AKAP19: variants seen among roughly 807,000 people sequenced by gnomAD.
AKAP19 encodes small A-kinase anchoring protein.
chr2:190,009,390 A>G, the AKAP19 span, among the ~76,000 whole-genome samples: 1 of 152,272 alleles, frequency 6.6e-6, no homozygotes, highest in East Asian at 1.9e-4. Context: ...GAAATGTTGG[A>G]TTCAGGATAT....
At chr2:190,040,121 C>T in the AKAP19 span, among the ~76,000 whole-genome samples, 1 of 152,204 alleles carries the variant, frequency 6.6e-6, no homozygotes, top group Non-Finnish European at 1.5e-5. Context: ...AATGGTTGAA[C>T]TAATTTACAC....
chr2:190,136,561 A>G, the AKAP19 span, among the ~76,000 whole-genome samples: 3 of 152,120 alleles, frequency 2.0e-5, no homozygotes, highest in Admixed American at 6.5e-5. Context: ...AAATTCCCCT[A>G]CACTTCCTTG....
the AKAP19 span, among the ~76,000 whole-genome samples, chr2:190,089,959 C>T: frequency 7.9e-5 from 12 of 152,180 alleles, no homozygotes; most frequent in Non-Finnish European, 1.5e-4. Flanking sequence ...TAACTTCTTA[C>T]ACCATGCAGA....
the AKAP19 span, among the ~76,000 whole-genome samples, chr2:190,123,647 T>G: frequency 6.6e-6 from 1 of 152,210 alleles, no homozygotes; most frequent in Non-Finnish European, 1.5e-5. Context: ...ATTGCAAGAC[T>G]CACCACAGTA....
chr2:189,968,838 G>GT, the AKAP19 span, among the ~76,000 whole-genome samples: 2 of 151,662 alleles, frequency 1.3e-5, no homozygotes, highest in East Asian at 3.9e-4. Context: ...AATCAAGAAA[G>GT]TTTTTTATAA....
the AKAP19 span, chr2:190,181,141 T>C: frequency 2.0e-6 from 2 of 985,532 alleles, no homozygotes; most frequent in African/African-American, 3.5e-5. Context: ...GGGTGACTGG[T>C]GAAGGGCGGG....
the AKAP19 span, among the ~76,000 whole-genome samples, chr2:190,153,465 G>T: frequency 1.3e-5 from 2 of 152,090 alleles, no homozygotes; most frequent in African/African-American, 4.8e-5. Context: ...GGGCATCTTT[G>T]TCTAGTTCCA....
At chr2:190,126,713 A>G in the AKAP19 span, among the ~76,000 whole-genome samples, 1 of 152,138 alleles carries the variant, frequency 6.6e-6, no homozygotes, top group Non-Finnish European at 1.5e-5. Flanking sequence ...AAGCAAATAG[A>G]TTTTGACCCA....
the AKAP19 span, among the ~76,000 whole-genome samples, chr2:190,158,238 C>T: frequency 1.3e-5 from 2 of 152,216 alleles, no homozygotes; most frequent in African/African-American, 4.8e-5. Context: ...AAGGCAGTAG[C>T]TTGCCAATGC....
the AKAP19 span, among the ~76,000 whole-genome samples, chr2:190,140,205 T>A: frequency 6.6e-6 from 1 of 152,038 alleles, no homozygotes; most frequent in Non-Finnish European, 1.5e-5. Context: ...GCTTTGCAGG[T>A]TATACTCCCC....
chr2:190,039,016 CTCTTCCTCTTCTTCCTCT>C, the AKAP19 span, among the ~76,000 whole-genome samples: 350 of 120,486 alleles, frequency 2.9e-3, 1 homozygote, highest in African/African-American at 6.1e-3. Flanking sequence ...CTTCCTCTTC[CTCTTCCTCTTCTTCCTCT>C]TCTTCCTCTT....
the AKAP19 span, among the ~76,000 whole-genome samples, chr2:190,160,284 T>G: frequency 6.6e-6 from 1 of 152,306 alleles, no homozygotes; most frequent in African/African-American, 2.4e-5. Flanking sequence ...ATCCCCAAAC[T>G]CTACTCCTAT....
At chr2:190,040,134 C>T in the AKAP19 span, among the ~76,000 whole-genome samples, 1 of 152,204 alleles carries the variant, frequency 6.6e-6, no homozygotes, top group Non-Finnish European at 1.5e-5. Context: ...ATTTACACTC[C>T]CACCAACGGC....
the AKAP19 span, among the ~76,000 whole-genome samples, chr2:189,895,919 A>G: frequency 6.6e-6 from 1 of 152,048 alleles, no homozygotes; most frequent in African/African-American, 2.4e-5. Flanking sequence ...GCTGAGGCAT[A>G]AGAATCAGGA....
the AKAP19 span, among the ~76,000 whole-genome samples, chr2:190,169,718 G>A: frequency 3.4e-4 from 52 of 152,276 alleles, no homozygotes; most frequent in Middle Eastern, 3.4e-3. Context: ...TTGGGGACTC[G>A]GGTTAGCATG....
chr2:189,995,833 C>G, the AKAP19 span, among the ~76,000 whole-genome samples: 24 of 151,992 alleles, frequency 1.6e-4, no homozygotes, highest in Non-Finnish European at 1.0e-4. Context: ...GGTGAATTCT[C>G]TCCACTACCT....
At chr2:189,959,837 TG>T in the AKAP19 span, among the ~76,000 whole-genome samples, 1 of 152,212 alleles carries the variant, frequency 6.6e-6, no homozygotes, top group African/African-American at 2.4e-5. Flanking sequence ...TACAGTTTTT[TG>T]AGTAGGTAAT....
the AKAP19 span, among the ~76,000 whole-genome samples, chr2:190,019,740 C>T: frequency 6.6e-6 from 1 of 152,070 alleles, no homozygotes; most frequent in Non-Finnish European, 1.5e-5. Context: ...TTCTCTTTTT[C>T]TACTGTAGAA....
chr2:190,187,810 G>T, the AKAP19 span, among the ~76,000 whole-genome samples: 1 of 152,172 alleles, frequency 6.6e-6, no homozygotes, highest in African/African-American at 2.4e-5. Context: ...GCCACAACTG[G>T]CCACTGTACT....
Sources: allele counts gnomAD v4.1 joint callset (sites outside exome capture counted in the v4.1 genomes callset), GRCh38; gene constraint gnomAD v4.1.1; transcripts MANE v1.5; gene names NCBI Gene and HGNC (gene_info 2026-07-23, HGNC 2026-07-21).